ACTR3C: variants seen among roughly 807,000 people sequenced by gnomAD.
ACTR3C encodes the protein actin-related protein 3C.
In ACTR3C, 18 loss-of-function variants were observed where a neutral mutation model predicts 26.3. The observed-to-expected ratio is 0.68, with a 90% CI of 0.47 to 1.01. ACTR3C has a LOEUF of 1.01. Ranked by LOEUF, ACTR3C falls within the 50% of genes least tolerant of loss-of-function variation. The pLI is 0.00. For synonymous variants in ACTR3C, 55 were observed against 94.5 expected (o/e 0.58, Z 2.42); for missense variants, 184 against 250.7 (o/e 0.73, Z 1.80).
chr7:149,947,909 C>T, the ACTR3C span, among the ~76,000 whole-genome samples: 278 of 151,730 alleles, frequency 1.8e-3, no homozygotes, highest in African/African-American at 6.4e-3. Flanking sequence ...AGCTAAATCC[C>T]CATCTGCTAC....
chr7:149,993,236 G>T, the ACTR3C span, among the ~76,000 whole-genome samples: 1 of 149,430 alleles, frequency 6.7e-6, no homozygotes, highest in Admixed American at 6.7e-5. Flanking sequence ...CACATTACCA[G>T]CTATCTAGGC....
intron 1 of ACTR3C, among the ~76,000 whole-genome samples, chr7:150,314,561 T>C (rs1796642697): frequency 6.6e-6 from 1 of 152,094 alleles, no homozygotes; most frequent in Non-Finnish European, 1.5e-5. Context: ...GTGGCAAACA[T>C]ATAGTTACTC....
chr7:149,940,139 C>A, the ACTR3C span, among the ~76,000 whole-genome samples: 3 of 151,170 alleles, frequency 2.0e-5, no homozygotes, highest in African/African-American at 7.3e-5. Flanking sequence ...ATCTATCTAC[C>A]TACCTACCTA....
At chr7:150,166,486 G>A in the ACTR3C span, among the ~76,000 whole-genome samples, 5 of 150,820 alleles carry the variant, frequency 3.3e-5, no homozygotes, top group African/African-American at 1.0e-4. Context: ...ATCACTTGAG[G>A]TCAGGAGTTC....
At chr7:150,214,638 G>A in the ACTR3C span, among the ~76,000 whole-genome samples, 4 of 152,180 alleles carry the variant, frequency 2.6e-5, no homozygotes, top group Admixed American at 1.3e-4. Context: ...CCGAAAAAAA[G>A]TTTGACAAGA....
At chr7:150,042,693 C>T in the ACTR3C span, among the ~76,000 whole-genome samples, 3 of 151,864 alleles carry the variant, frequency 2.0e-5, no homozygotes, top group Non-Finnish European at 2.9e-5. Context: ...CAAGAATCAG[C>T]TTATTTGCTT....
chr7:150,235,230 T>C, the ACTR3C span, among the ~76,000 whole-genome samples: 24 of 152,236 alleles, frequency 1.6e-4, no homozygotes, highest in Non-Finnish European at 2.9e-4. Context: ...TATGATTGTA[T>C]TCATTAGAGA....
chr7:150,045,634 T>G, the ACTR3C span, among the ~76,000 whole-genome samples: 1 of 150,834 alleles, frequency 6.6e-6, no homozygotes, highest in Non-Finnish European at 1.5e-5. Flanking sequence ...CATTAAAAAA[T>G]GTACATGTTA....
intron 6 of ACTR3C, among the ~76,000 whole-genome samples, chr7:150,272,155 C>T (rs1233079945): frequency 1.4e-5 from 2 of 146,152 alleles, no homozygotes; most frequent in Non-Finnish European, 2.9e-5. Context: ...ACTGTTATTA[C>T]CAACACACAA....
chr7:149,945,183 G>A, the ACTR3C span, among the ~76,000 whole-genome samples: 3 of 152,038 alleles, frequency 2.0e-5, no homozygotes, highest in Admixed American at 6.6e-5. Flanking sequence ...GGAGACAGGA[G>A]GCACTGATGT....
chr7:149,885,871 A>C, the ACTR3C span, among the ~76,000 whole-genome samples: 2 of 152,264 alleles, frequency 1.3e-5, no homozygotes, highest in African/African-American at 4.8e-5. Flanking sequence ...TCCCAGAAGC[A>C]GTTTAACTTT....
chr7:150,239,927 G>T (rs996468092), downstream of ACTR3C, among the ~76,000 whole-genome samples: 15 of 151,938 alleles, frequency 9.9e-5, no homozygotes, highest in African/African-American at 2.2e-4. Context: ...AATTTTTTTT[G>T]AATTTTTATT....
chr7:150,049,194 G>T, the ACTR3C span, among the ~76,000 whole-genome samples: 1 of 152,020 alleles, frequency 6.6e-6, no homozygotes, highest in Non-Finnish European at 1.5e-5. Context: ...TCCAGGCCCG[G>T]CCTGGCTTCT....
At chr7:150,052,105 ACTGT>A in the ACTR3C span, among the ~76,000 whole-genome samples, 1 of 151,602 alleles carries the variant, frequency 6.6e-6, no homozygotes, top group Non-Finnish European at 1.5e-5. Flanking sequence ...AGTGGGCATC[ACTGT>A]CTTTTACATA....
At chr7:149,937,353 T>C in the ACTR3C span, among the ~76,000 whole-genome samples, 1 of 151,148 alleles carries the variant, frequency 6.6e-6, no homozygotes, top group South Asian at 2.1e-4. Context: ...TAATTCTTTG[T>C]GTCTCATAAA....
the ACTR3C span, among the ~76,000 whole-genome samples, chr7:150,118,028 G>A: frequency 1.3e-5 from 2 of 152,284 alleles, no homozygotes; most frequent in East Asian, 1.9e-4. Context: ...AAACAGAAAG[G>A]AATAGCATCG....
At chr7:149,999,867 A>G in the ACTR3C span, among the ~76,000 whole-genome samples, 1 of 152,230 alleles carries the variant, frequency 6.6e-6, no homozygotes, top group East Asian at 1.9e-4. Flanking sequence ...CAGCCTTGCT[A>G]CACAACCATA....
chr7:150,040,053 G>C, the ACTR3C span, among the ~76,000 whole-genome samples: 1 of 138,138 alleles, frequency 7.2e-6, no homozygotes, highest in African/African-American at 3.1e-5. Context: ...CCCGCCTCGC[G>C]GGGGGTGCCT....
At chr7:150,116,796 T>C in the ACTR3C span, among the ~76,000 whole-genome samples, 1 of 151,978 alleles carries the variant, frequency 6.6e-6, no homozygotes, top group African/African-American at 2.4e-5. Flanking sequence ...CTGGCCAAAA[T>C]GGCCAAATAG....
Sources: gnomAD v4.1 joint callset for allele counts (sites outside exome capture counted in the v4.1 genomes callset) on GRCh38, gnomAD v4.1.1 for gene constraint, MANE v1.5 for transcripts, NCBI Gene and HGNC (gene_info 2026-07-23, HGNC 2026-07-21) for gene names.